The following ABTB2 variants were observed in gnomAD, a reference collection of about 807,000 sequenced individuals.
ABTB2 encodes ankyrin repeat and BTB domain containing 2.
ABTB2 carries 56 observed loss-of-function variants against 104.1 expected under a neutral mutation model. The observed-to-expected ratio is 0.54, with a 90% CI of 0.43 to 0.67. ABTB2 has a LOEUF of 0.67. ABTB2 is among the 30% of genes least tolerant of loss of function. The pLI is 0.00. For missense variants in ABTB2, 1,279 were observed against 1,407.7 expected, an observed-to-expected ratio of 0.91 and a Z score of 1.46; for synonymous variants, 606 against 608.2, an observed-to-expected ratio of 1.00 and a Z score of 0.05.
Position 34,160,363 on chromosome 11 carries a change from G to A in ABTB2, c.2398-10C>T. The A allele has an allele frequency of 6.2e-7, 1 of 1,605,806 alleles. No individual in the cohort carries two copies. The highest frequency in any genetic ancestry group is 1.1e-5 in the South Asian group (1 of 90,880). ...GGATGACGGAGTCGTTCTGTGGGGA[G>A]AGGAGAGAGGGCCTGTGAGCTGCCC... On this transcript the variant is annotated splice_polypyrimidine_tract_variant and intron_variant, in intron 11 of 16. Transcript: ENST00000435224.
intron 1 of ABTB2, among the ~76,000 whole-genome samples, chr11:34,316,604 GAAA>G (rs1489898459): frequency 6.6e-6 from 1 of 152,176 alleles, no homozygotes; most frequent in Non-Finnish European, 1.5e-5. Flanking sequence ...GCTGAGCAGT[GAAA>G]ATACCAAGGC....
intron 1 of ABTB2, among the ~76,000 whole-genome samples, chr11:34,352,106 G>C (rs973111226): frequency 6.6e-6 from 1 of 152,106 alleles, no homozygotes; most frequent in African/African-American, 2.4e-5. Flanking sequence ...TGCTTCAGTT[G>C]CTTCTCTCAG....
At chr11:34,266,387 T>G (rs140077432) in intron 1 of ABTB2, among the ~76,000 whole-genome samples, 422 of 152,336 alleles carry the variant, frequency 2.8e-3, no homozygotes, top group Middle Eastern at 6.8e-3. Context: ...ACCTGGCCTC[T>G]ACTTATATGA....
At chr11:34,267,026 G>A (rs1277116238) in intron 1 of ABTB2, among the ~76,000 whole-genome samples, 1 of 151,860 alleles carries the variant, frequency 6.6e-6, no homozygotes, top group Non-Finnish European at 1.5e-5. Flanking sequence ...GGGAGGGAGG[G>A]GCGGGGCGGG....
At chr11:34,226,393 C>T (rs1190213107) in intron 1 of ABTB2, among the ~76,000 whole-genome samples, 1 of 152,070 alleles carries the variant, frequency 6.6e-6, no homozygotes, top group Non-Finnish European at 1.5e-5. Context: ...AAGATCCCCT[C>T]ACACAAATGA....
In ABTB2 at chr11:34,161,030, G is replaced by A. The variant is rs368954407; in HGVS notation, c.2270C>T (p.Ser757Leu). The change falls in exon 11 of 17, where the codon TCG (serine) becomes TTG (leucine). Residue 757 changes from serine to leucine, a missense_variant. Coordinates refer to ENST00000435224, the MANE Select transcript of ABTB2 (RefSeq NM_145804.3). ...IWIESLRTSF[S>L]QSRYSVVQSL... ...CTGCACCACCGAGTACCGCGACTGCGAGAACGAGGTCCTCAGAGACTCGAT... is the reference window on the plus strand; with the variant it reads ...CTGCACCACCGAGTACCGCGACTGCAAGAACGAGGTCCTCAGAGACTCGAT... 6 of 1,613,102 alleles carry A rather than the reference G, an allele frequency of 3.7e-6. No individual in the cohort carries two copies. In the African/African-American group the frequency reaches 4.0e-5, roughly 11 times the overall value.
chr11:34,228,862 G>A (rs1375703452), intron 1 of ABTB2, among the ~76,000 whole-genome samples: 1 of 152,106 alleles, frequency 6.6e-6, no homozygotes, highest in Non-Finnish European at 1.5e-5. Flanking sequence ...GCTCATGCCT[G>A]TAATTCCAGG....
At chr11:34,225,584 C>T (rs1346697575) in intron 1 of ABTB2, among the ~76,000 whole-genome samples, 4 of 151,908 alleles carry the variant, frequency 2.6e-5, no homozygotes, top group East Asian at 3.9e-4. Context: ...GGAGAAACCC[C>T]GTCTCTACTA....
chr11:34,309,799 A>T (rs921568817), intron 1 of ABTB2, among the ~76,000 whole-genome samples: 1 of 152,202 alleles, frequency 6.6e-6, no homozygotes, highest in Admixed American at 6.5e-5. Context: ...GTCAAAAAAA[A>T]AAAGATGGGG....
At chr11:34,172,234 T>G (rs1417198682) in intron 4 of ABTB2, among the ~76,000 whole-genome samples, 5 of 150,692 alleles carry the variant, frequency 3.3e-5, no homozygotes, top group African/African-American at 7.3e-5. Context: ...TACCCAGACG[T>G]GGTGGTGCGT....
chr11:34,297,601 T>A lies in ABTB2; in HGVS notation c.883+59100A>T, dbSNP rs200847417. 3.9e-4 allele frequency among the ~76,000 whole-genome samples: 59 copies of A among 151,970 alleles called. No individual in the cohort carries two copies. The East Asian group carries it at 0.01, about 27-fold the overall frequency. On this transcript the variant is annotated intron_variant, in intron 1 of 16. Coordinates refer to ENST00000435224, the MANE Select transcript of ABTB2 (RefSeq NM_145804.3). ...GAGGTTAGGAGTTTGACCCTGTCTC[T>A]ACTAAAAATACAAAATTAGCTGGGC...
At chr11:34,214,016 A>G (rs1426983977) in intron 1 of ABTB2, among the ~76,000 whole-genome samples, 2 of 152,156 alleles carry the variant, frequency 1.3e-5, no homozygotes, top group African/African-American at 4.8e-5. Flanking sequence ...TGAAAAGAAC[A>G]GTCCGCCACA....
chr11:34,185,689 G>C (rs774029319), intron 3 of ABTB2, among the ~76,000 whole-genome samples: 4 of 152,168 alleles, frequency 2.6e-5, no homozygotes, highest in Admixed American at 6.5e-5. Flanking sequence ...GTGGGGTTGG[G>C]GGGAGAGGTG....
At chr11:34,267,535 CA>C (rs935956740) in intron 1 of ABTB2, among the ~76,000 whole-genome samples, 18 of 151,814 alleles carry the variant, frequency 1.2e-4, no homozygotes, top group African/African-American at 3.9e-4. Flanking sequence ...ATATTTGAAA[CA>C]AAAAAAATCC....
chr11:34,310,627 C>A (rs144979504), intron 1 of ABTB2, among the ~76,000 whole-genome samples: 2 of 152,278 alleles, frequency 1.3e-5, no homozygotes, highest in East Asian at 1.9e-4. Context: ...AGCCTCAGGG[C>A]CCCTCACACA....
intron 3 of ABTB2, among the ~76,000 whole-genome samples, chr11:34,193,033 T>C (rs1853201361): frequency 6.6e-6 from 1 of 152,236 alleles, no homozygotes. Context: ...GTATATCCTC[T>C]GCCAAAGATT....
chr11:34,214,139 A>AAAACACACACACACAC (rs112616498), intron 1 of ABTB2, among the ~76,000 whole-genome samples: 3 of 139,170 alleles, frequency 2.2e-5, no homozygotes, highest in African/African-American at 8.5e-5. Flanking sequence ...GCACATTCAA[A>AAAACACACACACACAC]ACACACACAC....
intron 1 of ABTB2, among the ~76,000 whole-genome samples, chr11:34,353,614 T>C (rs1855426503): frequency 6.6e-6 from 1 of 152,224 alleles, no homozygotes; most frequent in African/African-American, 2.4e-5. Flanking sequence ...TTGTAAACAC[T>C]GCAGAACTTT....
chr11:34,343,117 G>A (rs553264938), intron 1 of ABTB2, among the ~76,000 whole-genome samples: 14 of 151,692 alleles, frequency 9.2e-5, no homozygotes, highest in African/African-American at 3.1e-4. Flanking sequence ...TTACAGGTGT[G>A]CGCCAGCACT....
Sources: gnomAD v4.1 joint callset for allele counts (sites outside exome capture counted in the v4.1 genomes callset) on GRCh38, gnomAD v4.1.1 for gene constraint, MANE v1.5 for transcripts, NCBI Gene and HGNC (gene_info 2026-07-23, HGNC 2026-07-21) for gene names.